The following OPA3 variants were observed in gnomAD, a reference collection of about 807,000 sequenced individuals.
The protein encoded by OPA3 is outer mitochondrial membrane lipid metabolism regulator OPA3, also known as optic atrophy 3 protein.
In OPA3, 6 loss-of-function variants were observed where a neutral mutation model predicts 4.0. That is an observed-to-expected ratio of 1.51 (90% CI 0.83 to 2.99). The LOEUF (loss-of-function observed/expected upper bound fraction) is 2.99. Among genes scored for constraint, OPA3 ranks in the 30% most tolerant of loss-of-function variants. The pLI is 0.00. For synonymous variants in OPA3, 105 were observed against 117.1 expected (o/e 0.90, Z 0.67); for missense variants, 235 against 256.2 (o/e 0.92, Z 0.56).
chr19:45,580,038 C>T (rs941877782), intron 1 of OPA3, among the ~76,000 whole-genome samples: 7 of 150,336 alleles, frequency 4.7e-5, no homozygotes, highest in Non-Finnish European at 7.4e-5. Flanking sequence ...GCTCTGTCAC[C>T]CAGGCTGGAG....
At position 45,548,293 on chromosome 19, in the gene OPA3, C is replaced by T. The variant is rs1033952416; in HGVS notation, c.*5221G>A. 4 of 985,362 alleles carry T rather than the reference C, an allele frequency of 4.1e-6. No homozygotes were observed. The highest frequency in any genetic ancestry group is 9.4e-5 in the South Asian group (2 of 21,294). The allele number at this position is 985,362 out of a possible 1,614,324, so 61.0% of individuals were successfully genotyped here. A position where few individuals can be genotyped will look rare whatever the true frequency, so the allele number is the denominator to read the frequency against. On this transcript the variant is annotated 3_prime_UTR_variant, in exon 2 of 2. Transcript: ENST00000263275. The stretch of plus-strand genomic sequence containing the variant: ...TAAAGCCCATTTTCTCCTGGGGTGG[C>T]TCTCAGCCATTTTGCCTCCCTCCAG...
chr19:45,579,450 A>C (rs978865886), intron 1 of OPA3, among the ~76,000 whole-genome samples: 1 of 151,864 alleles, frequency 6.6e-6, no homozygotes, highest in Non-Finnish European at 1.5e-5. Flanking sequence ...CAAACTCCTG[A>C]CCTCAAGTGA....
chr19:45,572,016 G>T (rs1969673200), intron 1 of OPA3, among the ~76,000 whole-genome samples: 1 of 151,092 alleles, frequency 6.6e-6, no homozygotes, highest in Non-Finnish European at 1.5e-5. Context: ...ATCCACATCT[G>T]ATAATTCCAC....
intron 1 of OPA3, among the ~76,000 whole-genome samples, chr19:45,559,288 T>C (rs1969466757): frequency 6.6e-6 from 1 of 152,160 alleles, no homozygotes; most frequent in African/African-American, 2.4e-5. Context: ...AATGAGTAAG[T>C]CAGTATTCCT....
chr19:45,573,237 G>A (rs1599992902), intron 1 of OPA3, among the ~76,000 whole-genome samples: 1 of 151,988 alleles, frequency 6.6e-6, no homozygotes, highest in African/African-American at 2.4e-5. Context: ...CAAGTGATAC[G>A]GTGTGGCTGT....
At chr19:45,558,336 A>C (rs983920023) in intron 1 of OPA3, among the ~76,000 whole-genome samples, 18 of 152,144 alleles carry the variant, frequency 1.2e-4, no homozygotes, top group African/African-American at 3.4e-4. Flanking sequence ...GTCTCAAAAA[A>C]AGAAAAGAAA....
intron 1 of OPA3, among the ~76,000 whole-genome samples, chr19:45,558,377 C>T (rs1214467667): frequency 1.3e-5 from 2 of 152,040 alleles, no homozygotes; most frequent in African/African-American, 2.4e-5. Flanking sequence ...CGTCGCCCCA[C>T]CCCCAACTCC....
At chr19:45,580,122 G>A (rs1174087555) in intron 1 of OPA3, among the ~76,000 whole-genome samples, 5 of 150,378 alleles carry the variant, frequency 3.3e-5, no homozygotes, top group African/African-American at 9.8e-5. Flanking sequence ...TCAGCCTCCC[G>A]AGTAGCTGGG....
intron 1 of OPA3, among the ~76,000 whole-genome samples, chr19:45,572,790 GATATATATATCATACT>G (rs1969705386): frequency 2.3e-5 from 1 of 44,126 alleles, no homozygotes; most frequent in Non-Finnish European, 4.9e-5. Flanking sequence ...ACTATATATA[GATATATATATCATACT>G]ATATATATAG....
chr19:45,572,597 T>A (rs28663034), intron 1 of OPA3, among the ~76,000 whole-genome samples: 2 of 129,846 alleles, frequency 1.5e-5, no homozygotes, highest in African/African-American at 2.9e-5. Context: ...ATATATATAT[T>A]GATATATATC....
intron 1 of OPA3, among the ~76,000 whole-genome samples, chr19:45,562,845 T>C (rs905168015): frequency 2.0e-5 from 3 of 152,182 alleles, no homozygotes; most frequent in Non-Finnish European, 2.9e-5. Flanking sequence ...GGTCGCCTCA[T>C]TGCATTGTGG....
At position 45,550,926 on chromosome 19, in the gene OPA3, G is replaced by A; in HGVS notation, c.*2588C>T. 1.0e-6 allele frequency: 1 copy of A among 985,754 alleles called. No homozygotes were observed. The highest frequency in any genetic ancestry group is 4.7e-5 in the South Asian group (1 of 21,294). The allele number at this position is 985,754 out of a possible 1,614,324, so 61.1% of individuals were successfully genotyped here. ...CCTAGACTGTTCCTCTCAGCTAGCA[G>A]GAAGGCCAAATGGCCCGCGGGGTTG... On this transcript the variant is annotated 3_prime_UTR_variant, in exon 2 of 2. Coordinates refer to ENST00000263275, the MANE Select transcript of OPA3 (RefSeq NM_025136.4).
intron 1 of OPA3, among the ~76,000 whole-genome samples, chr19:45,533,568 C>T (rs1460210436): frequency 6.6e-6 from 1 of 152,158 alleles, no homozygotes; most frequent in Non-Finnish European, 1.5e-5. Flanking sequence ...TACCCTATAC[C>T]TTTGAGGCCG....
At chr19:45,583,943 G>A (rs1273394788) in intron 1 of OPA3, among the ~76,000 whole-genome samples, 1 of 152,194 alleles carries the variant, frequency 6.6e-6, no homozygotes, top group African/African-American at 2.4e-5. Flanking sequence ...TGGATCAGGA[G>A]TATATCTCCC....
chr19:45,555,729 G>A (rs994749142), intron 1 of OPA3, among the ~76,000 whole-genome samples: 4 of 152,144 alleles, frequency 2.6e-5, no homozygotes, highest in African/African-American at 9.7e-5. Flanking sequence ...CTGACCTCGT[G>A]ATCCACCCAC....
intron 1 of OPA3, among the ~76,000 whole-genome samples, chr19:45,573,323 T>C (rs1410054399): frequency 6.6e-6 from 1 of 152,012 alleles, no homozygotes; most frequent in East Asian, 1.9e-4. Flanking sequence ...TGGTGGCACA[T>C]GCCTGTAATC....
At chr19:45,533,241 G>T (rs967968751) in intron 1 of OPA3, among the ~76,000 whole-genome samples, 3 of 149,330 alleles carry the variant, frequency 2.0e-5, no homozygotes, top group Non-Finnish European at 4.4e-5. Flanking sequence ...TGACGCCCAG[G>T]CTGGAGTGCA....
At chr19:45,568,139 C>T (rs970342446) in intron 1 of OPA3, among the ~76,000 whole-genome samples, 1 of 152,070 alleles carries the variant, frequency 6.6e-6, no homozygotes, top group African/African-American at 2.4e-5. Flanking sequence ...GCTGGTATTA[C>T]GGGTGTTGGC....
chr19:45,528,586 A>C, exon 2 of OPA3: 1 of 164,720 alleles, frequency 6.1e-6, no homozygotes, highest in Non-Finnish European at 1.3e-5. Flanking sequence ...AGGAGGAGGT[A>C]GGTGGTGTTC....
Sources: allele counts gnomAD v4.1 joint callset (sites outside exome capture counted in the v4.1 genomes callset), GRCh38; gene constraint gnomAD v4.1.1; transcripts MANE v1.5; gene names NCBI Gene and HGNC (gene_info 2026-07-23, HGNC 2026-07-21).